Variants in ELP4 observed in about 807,000 individuals in gnomAD.
ELP4 encodes the protein elongator complex protein 4.
Under a neutral mutation model 48.9 loss-of-function variants are expected in ELP4, and 51 were observed. The ratio of observed to expected loss-of-function variants is 1.04; its 90% confidence interval spans 0.83 to 1.32. The LOEUF (loss-of-function observed/expected upper bound fraction) is 1.32. Ranked by LOEUF, ELP4 falls within the 40% of genes most tolerant of loss-of-function variation. The probability of loss-of-function intolerance (pLI) is 0.00; values close to 1 mark genes in which losing one functional copy is unlikely to be tolerated. For synonymous variants in ELP4, 210 were observed against 189.2 expected (o/e 1.11, Z -0.90); for missense variants, 519 against 514.6 (o/e 1.01, Z -0.08).
At chr11:31,628,699 G>A (rs1944798206) in intron 6 of ELP4, among the ~76,000 whole-genome samples, 1 of 151,862 alleles carries the variant, frequency 6.6e-6, no homozygotes, top group Non-Finnish European at 1.5e-5. Context: ...TTCCTATGGT[G>A]AATACCAAAA....
intron 9 of ELP4, among the ~76,000 whole-genome samples, chr11:31,701,973 AATAAT>A (rs1169097497): frequency 5.9e-5 from 9 of 152,140 alleles, no homozygotes. Context: ...GTACGAAGCG[AATAAT>A]ATATTGATGA....
At chr11:31,547,755 G>A (rs1334670367) in intron 3 of ELP4, among the ~76,000 whole-genome samples, 7 of 152,092 alleles carry the variant, frequency 4.6e-5, no homozygotes, top group Non-Finnish European at 5.9e-5. Context: ...CTGGCAAACC[G>A]AATCCAGCAG....
At chr11:31,774,073 G>A (rs1192263235) in intron 9 of ELP4, among the ~76,000 whole-genome samples, 1 of 152,206 alleles carries the variant, frequency 6.6e-6, no homozygotes, top group Non-Finnish European at 1.5e-5. Context: ...CAGCTACTCG[G>A]AGGCTTTGGG....
chr11:31,739,448 C>T (rs779353031), intron 9 of ELP4, among the ~76,000 whole-genome samples: 3 of 152,086 alleles, frequency 2.0e-5, no homozygotes, highest in African/African-American at 4.8e-5. Flanking sequence ...ATGGTAGACA[C>T]GCTATGGAAT....
chr11:31,740,922 G>A (rs1222606775), intron 9 of ELP4, among the ~76,000 whole-genome samples: 1 of 152,240 alleles, frequency 6.6e-6, no homozygotes, highest in African/African-American at 2.4e-5. Context: ...CACCGTGCGT[G>A]AGCCGAAGCA....
At chr11:31,550,668 C>T (rs756540754) in intron 3 of ELP4, among the ~76,000 whole-genome samples, 4 of 152,110 alleles carry the variant, frequency 2.6e-5, no homozygotes, top group Non-Finnish European at 5.9e-5. Context: ...GATTTTCCAT[C>T]GAAACTCTTG....
At chr11:31,643,558 G>A (rs1945142232) in intron 7 of ELP4, among the ~76,000 whole-genome samples, 2 of 151,794 alleles carry the variant, frequency 1.3e-5, no homozygotes, top group South Asian at 4.1e-4. Context: ...TTGTTACTTG[G>A]TAACTCTAAG....
rs528039953 is a variant in ELP4, at chr11:31,764,234, C to T, written c.1144-19159C>T. ...GGCTGGTTACTTATTGTCCTGACAC[C>T]GTTTGAAATAGTCTCAGAGTACATC... On this transcript the variant is annotated intron_variant, in intron 9 of 9. Transcript: ENST00000640961. Among the ~76,000 whole-genome samples the T allele has an allele frequency of 1.1e-4, 17 of 152,230 alleles. 1 individual carries two copies. The highest frequency in any genetic ancestry group is 8.5e-4 in the Admixed American group (13 of 15,278).
chr11:31,735,690 CAG>C (rs370436329), intron 9 of ELP4, among the ~76,000 whole-genome samples: 2 of 152,078 alleles, frequency 1.3e-5, no homozygotes, highest in Admixed American at 6.6e-5. Flanking sequence ...AACAGACAAA[CAG>C]AGAGCCAAAT....
chr11:31,521,406 A>G (rs1032535922), intron 2 of ELP4, among the ~76,000 whole-genome samples: 7 of 152,068 alleles, frequency 4.6e-5, no homozygotes, highest in Non-Finnish European at 7.4e-5. Context: ...CCACTATTCC[A>G]TAGTTAATCT....
In ELP4 at chr11:31,783,712, A is replaced by G. The variant is rs1948430449; in HGVS notation, c.*188A>G. 5 of 510,816 alleles carry G rather than the reference A, an allele frequency of 9.8e-6. No homozygotes were observed. The South Asian group carries it at 2.5e-4, about 26-fold the overall frequency. The allele number at this position is 510,816 out of a possible 1,614,324, so 31.6% of individuals were successfully genotyped here. ...ACTAGCACAGCAGAAATACTTTTAA[A>G]TTTTTCCTTCATGCTCTAGAGAAAA... is the stretch of plus-strand genomic sequence containing the variant. On this transcript the variant is annotated 3_prime_UTR_variant, in exon 10 of 10. Coordinates refer to ENST00000640961, the MANE Select transcript of ELP4 (RefSeq NM_019040.5).
At chr11:31,639,612 G>C (rs954664470) in intron 7 of ELP4, among the ~76,000 whole-genome samples, 5 of 151,790 alleles carry the variant, frequency 3.3e-5, no homozygotes, top group Admixed American at 2.0e-4. Flanking sequence ...TATCTATAAA[G>C]TTCTGTCTAT....
intron 2 of ELP4, among the ~76,000 whole-genome samples, chr11:31,532,766 G>GT (rs1956416542): frequency 7.5e-6 from 1 of 133,138 alleles, no homozygotes. Context: ...TCTTTTTTTT[G>GT]TTGGTTTTTT....
intron 9 of ELP4, among the ~76,000 whole-genome samples, chr11:31,666,758 A>G (rs1186963993): frequency 6.7e-6 from 1 of 148,994 alleles, no homozygotes; most frequent in Non-Finnish European, 1.5e-5. Context: ...AGAGAAATGT[A>G]AAGTCTAGAG....
chr11:31,555,584 A>AAT (rs1010712634), intron 3 of ELP4, among the ~76,000 whole-genome samples: 3 of 151,708 alleles, frequency 2.0e-5, no homozygotes, highest in East Asian at 1.9e-4. Flanking sequence ...TTTTTAACAT[A>AAT]ATATATATAT....
At chr11:31,527,250 C>G (rs1956309468) in intron 2 of ELP4, among the ~76,000 whole-genome samples, 1 of 152,020 alleles carries the variant, frequency 6.6e-6, no homozygotes, top group African/African-American at 2.4e-5. Flanking sequence ...CCTATTCCCT[C>G]TTCTAGTGCT....
chr11:31,662,679 A>G, intron 9 of ELP4: 1 of 397,200 alleles, frequency 2.5e-6, no homozygotes, highest in Non-Finnish European at 4.4e-6. Flanking sequence ...ATTTGGTGAT[A>G]ATGATTTATA....
At chr11:31,550,210 A>C (rs1266766584) in intron 3 of ELP4, among the ~76,000 whole-genome samples, 3 of 152,168 alleles carry the variant, frequency 2.0e-5, no homozygotes, top group Non-Finnish European at 4.4e-5. Flanking sequence ...GAAATAAGTA[A>C]ATATATAATA....
At chr11:31,700,375 GTAA>G (rs769608631) in intron 9 of ELP4, among the ~76,000 whole-genome samples, 1 of 151,860 alleles carries the variant, frequency 6.6e-6, no homozygotes, top group Non-Finnish European at 1.5e-5. Context: ...CACTGAAAAG[GTAA>G]TAAATACATC....
Sources: gnomAD v4.1 joint callset for allele counts (sites outside exome capture counted in the v4.1 genomes callset) on GRCh38, gnomAD v4.1.1 for gene constraint, MANE v1.5 for transcripts, NCBI Gene and HGNC (gene_info 2026-07-23, HGNC 2026-07-21) for gene names.